Variants in UGT1A10 observed in about 807,000 individuals in gnomAD.
UGT1A10 encodes UDP-glucuronosyltransferase 1A10.
UGT1A10 carries 49 observed loss-of-function variants against 45.8 expected under a neutral mutation model. That is an observed-to-expected ratio of 1.07 (90% CI 0.85 to 1.36). UGT1A10 has a LOEUF of 1.36. UGT1A10 is among the 40% of genes most tolerant of loss of function. UGT1A10 has a pLI of 0.00. For missense variants in UGT1A10, 745 were observed against 668.6 expected, an observed-to-expected ratio of 1.11 and a Z score of -1.26; for synonymous variants, 284 against 249.7, an observed-to-expected ratio of 1.14 and a Z score of -1.29.
chr2:233,719,519 T>A (rs757746269), intron 1 of UGT1A10: 1 of 1,613,814 alleles, frequency 6.2e-7, no homozygotes, highest in East Asian at 2.2e-5. Flanking sequence ...CTTATGCAAG[T>A]CTTGCCTCTG....
chr2:233,683,205 TC>T (rs1186091559), intron 1 of UGT1A10, among the ~76,000 whole-genome samples: 1 of 152,170 alleles, frequency 6.6e-6, no homozygotes, highest in African/African-American at 2.4e-5. Flanking sequence ...AATTGTCACT[TC>T]TATTTTATCA....
rs3213726 is a variant in UGT1A10, at chr2:233,766,877, C to A, written c.856-157C>A. ...GAAGGAAGTAAAGGAGAGGAAAATG[C>A]TGTAAAACTTACATATTAATAATTT... On this transcript the variant is annotated intron_variant, in intron 1 of 4. Coordinates refer to ENST00000344644, the MANE Select transcript of UGT1A10 (RefSeq NM_019075.4). Among the ~76,000 whole-genome samples, 50 of 152,336 alleles carry A rather than the reference C, an allele frequency of 3.3e-4. No homozygotes were observed. The East Asian group carries it at 9.2e-3, about 28-fold the overall frequency.
intron 1 of UGT1A10, chr2:233,671,854 G>C: frequency 6.6e-7 from 1 of 1,511,244 alleles, no homozygotes; most frequent in Non-Finnish European, 8.8e-7. Context: ...TTGGGGTCAG[G>C]TTTTGTGCTG....
At chr2:233,729,403 G>A (rs1559374235) in intron 1 of UGT1A10, 1 of 1,613,838 alleles carries the variant, frequency 6.2e-7, no homozygotes, top group Non-Finnish European at 8.5e-7. Flanking sequence ...TGATCGCCAT[G>A]TGCTGGGCCA....
chr2:233,689,977 C>A (rs1005809472), intron 1 of UGT1A10: 7 of 454,132 alleles, frequency 1.5e-5, no homozygotes, highest in Admixed American at 1.2e-4. Flanking sequence ...AACCCACAGG[C>A]CCCTAAAAGG....
chr2:233,637,497 T>C (rs2125459896), intron 1 of UGT1A10, 120 bp downstream of exon 1: 1 of 1,489,904 alleles, frequency 6.7e-7, no homozygotes, highest in South Asian at 1.4e-5. Context: ...CTTTCCAGTT[T>C]AACAAATTAT....
chr2:233,752,703 T>C (rs538720487), intron 1 of UGT1A10, among the ~76,000 whole-genome samples: 5 of 152,298 alleles, frequency 3.3e-5, no homozygotes, highest in African/African-American at 7.2e-5. Context: ...TAGTGGGGTA[T>C]GATCTTGCCT....
intron 1 of UGT1A10, among the ~76,000 whole-genome samples, chr2:233,661,623 TTTTCTTTC>T (rs55749169): frequency 0.03 from 3,769 of 123,970 alleles, 87 homozygotes; most frequent in Non-Finnish European, 0.036. Context: ...ACTTACTGAA[TTTTCTTTC>T]TTTCTTTCTT....
At chr2:233,729,649 A>T (rs61764031) in intron 1 of UGT1A10, 1,345 of 1,613,864 alleles carry the variant, frequency 8.3e-4, no homozygotes, top group Non-Finnish European at 1.1e-3. Context: ...TTTTTTGAGG[A>T]ACATTCCATG....
intron 1 of UGT1A10, among the ~76,000 whole-genome samples, chr2:233,739,441 A>G (rs1691102531): frequency 6.6e-6 from 1 of 152,220 alleles, no homozygotes. Context: ...TTTACCCTGC[A>G]AAGCCACAGG....
At position 233,743,856 on chromosome 2, in the gene UGT1A10, T is replaced by C. The variant is rs764670005; in HGVS notation, c.856-23178T>C. The stretch of plus-strand genomic sequence containing the variant: ...TTGAGCGCCAGCTTGCGGTACGCCT[T>C]CTTGATGGCCTCGGATGAGGCCTGC... On this transcript the variant is annotated intron_variant, in intron 1 of 4. Transcript: ENST00000344644. The C allele has an allele frequency of 2.9e-6, 4 of 1,367,240 alleles. No homozygotes were observed. The East Asian group carries it at 1.4e-4, about 47-fold the overall frequency. The allele number at this position is 1,367,240 out of a possible 1,614,324, so 84.7% of individuals were successfully genotyped here.
chr2:233,691,636 G>A, intron 1 of UGT1A10: 2 of 985,552 alleles, frequency 2.0e-6, no homozygotes, highest in Non-Finnish European at 2.4e-6. Flanking sequence ...TGGTTAGCAG[G>A]CAGGGCCAGT....
intron 1 of UGT1A10, among the ~76,000 whole-genome samples, chr2:233,710,138 A>G (rs1223518956): frequency 6.6e-6 from 1 of 152,228 alleles, no homozygotes; most frequent in Non-Finnish European, 1.5e-5. Context: ...ATTTCATTGT[A>G]TAGATATATC....
rs72551330 is a variant in UGT1A10 at position 233,672,032 on chromosome 2, T to C, written c.855+34655T>C. On this transcript the variant is annotated intron_variant, in intron 1 of 4. Transcript: ENST00000344644. ...GCAGGGAAGCTACTGGTAGTGCCCATGGATGGGAGCCACTGGTTCACCATG... is the reference window on the plus strand; with the variant it reads ...GCAGGGAAGCTACTGGTAGTGCCCACGGATGGGAGCCACTGGTTCACCATG... 18,518 of 1,614,136 alleles carry C rather than the reference T, an allele frequency of 0.011. 132 individuals carry two copies. Among genetic ancestry groups the C allele is most frequent in the Non-Finnish European group, 0.014 (16,060 of 1,179,994 alleles).
At chr2:233,730,901 C>A (rs2078088163) in intron 1 of UGT1A10, among the ~76,000 whole-genome samples, 1 of 152,116 alleles carries the variant, frequency 6.6e-6, no homozygotes, top group Non-Finnish European at 1.5e-5. Flanking sequence ...TACTCCTTTA[C>A]CAAAAATTTC....
chr2:233,727,725 C>CT (rs2077642996), intron 1 of UGT1A10, among the ~76,000 whole-genome samples: 1 of 152,230 alleles, frequency 6.6e-6, no homozygotes, highest in South Asian at 2.1e-4. Context: ...GCAGACCTTC[C>CT]TTTTCTGTGC....
At chr2:233,709,407 A>C (rs1575490731) in intron 1 of UGT1A10, among the ~76,000 whole-genome samples, 2 of 152,258 alleles carry the variant, frequency 1.3e-5, no homozygotes, top group South Asian at 2.1e-4. Context: ...ATGGGTGAAC[A>C]CTCAATAAGA....
intron 1 of UGT1A10, chr2:233,761,148 C>T: frequency 6.2e-7 from 1 of 1,614,128 alleles, no homozygotes; most frequent in Non-Finnish European, 8.5e-7. Context: ...ATCCACTATC[C>T]CAGGTGTGTA....
intron 1 of UGT1A10, chr2:233,760,655 T>C (rs1293428675): frequency 1.9e-6 from 3 of 1,614,216 alleles, no homozygotes; most frequent in South Asian, 2.2e-5. Flanking sequence ...TCTGCTATGC[T>C]TTTGTCTGGC....
Sources: gnomAD v4.1 joint callset for allele counts (sites outside exome capture counted in the v4.1 genomes callset) on GRCh38, gnomAD v4.1.1 for gene constraint, MANE v1.5 for transcripts, NCBI Gene and HGNC (gene_info 2026-07-23, HGNC 2026-07-21) for gene names.